ZEB2: variants seen among roughly 807,000 people sequenced by gnomAD.
ZEB2 encodes the protein zinc finger E-box binding homeobox 2, also known as zinc finger E-box-binding homeobox 2.
In ZEB2, 6 loss-of-function variants were observed where a neutral mutation model predicts 99.9. The ratio of observed to expected loss-of-function variants is 0.06; its 90% CI spans 0.03 to 0.12. The LOEUF (loss-of-function observed/expected upper bound fraction) is 0.12, where lower values mean the gene tolerates loss of function less well. Ranked by LOEUF, ZEB2 falls within the 10% of genes least tolerant of loss-of-function variation. The pLI is 1.00. For missense variants in ZEB2, 969 were observed against 1,502.8 expected, an observed-to-expected ratio of 0.64 and a Z score of 5.87; for synonymous variants, 517 against 542.5, an observed-to-expected ratio of 0.95 and a Z score of 0.65.
chr2:144,517,166 C>T (rs1212492926), intron 2 of ZEB2, 112 bp downstream of exon 2: 1 of 1,433,100 alleles, frequency 7.0e-7, no homozygotes, highest in Non-Finnish European at 9.7e-7. Flanking sequence ...GCCCTAGAGC[C>T]CTGGGCGCCG....
At chr2:144,487,984 C>T (rs752670277) in intron 2 of ZEB2, among the ~76,000 whole-genome samples, 1 of 152,092 alleles carries the variant, frequency 6.6e-6, no homozygotes, top group Non-Finnish European at 1.5e-5. Flanking sequence ...AATCTCCTTC[C>T]CCTTCTAATT....
At chr2:144,443,866 A>C (rs1703949395) in intron 2 of ZEB2, among the ~76,000 whole-genome samples, 1 of 152,162 alleles carries the variant, frequency 6.6e-6, no homozygotes, top group African/African-American at 2.4e-5. Context: ...GTATTTAAAA[A>C]AAAAAAAACA....
intron 2 of ZEB2, among the ~76,000 whole-genome samples, chr2:144,455,753 CTCTT>C (rs1363418082): frequency 1.3e-5 from 2 of 152,050 alleles, no homozygotes; most frequent in Non-Finnish European, 2.9e-5. Context: ...TCGTCTCTCT[CTCTT>C]TCTCTTTCTC....
chr2:144,511,967 C>T (rs1705045671), intron 2 of ZEB2: 1 of 1,287,034 alleles, frequency 7.8e-7, no homozygotes, highest in Non-Finnish European at 1.0e-6. Flanking sequence ...ACTAGTGTTT[C>T]TGCATCACAG....
intron 2 of ZEB2, among the ~76,000 whole-genome samples, chr2:144,468,243 C>T (rs1183949098): frequency 6.6e-6 from 1 of 152,112 alleles, no homozygotes; most frequent in Non-Finnish European, 1.5e-5. Context: ...GAGGTAATGA[C>T]ACAAGGCCTC....
intron 2 of ZEB2, among the ~76,000 whole-genome samples, chr2:144,459,825 A>C (rs1704167947): frequency 6.6e-6 from 1 of 152,184 alleles, no homozygotes; most frequent in African/African-American, 2.4e-5. Flanking sequence ...AGGAAGGGTA[A>C]AAAGAGATCT....
chr2:144,435,267 C>A (rs1703822320), intron 2 of ZEB2, among the ~76,000 whole-genome samples: 1 of 152,072 alleles, frequency 6.6e-6, no homozygotes. Context: ...AGACATGTAA[C>A]TTCATTTTAA....
intron 2 of ZEB2, among the ~76,000 whole-genome samples, chr2:144,458,733 A>T (rs754383180): frequency 6.6e-4 from 100 of 152,288 alleles, no homozygotes; most frequent in Middle Eastern, 3.4e-3. Flanking sequence ...TCACTTTGGC[A>T]TGATGAAGCA....
rs144551588 is a variant in ZEB2 at position 144,405,467 on chromosome 2, G to A, written c.404-443C>T. 3.6e-3 allele frequency: 724 copies of A among 199,344 alleles called. 3 individuals are homozygous for A. Among genetic ancestry groups the A allele is most frequent in the Non-Finnish European group, 4.9e-3 (474 of 97,134 alleles). 12.3% of individuals were successfully genotyped at this position (199,344 alleles called of 1,614,324 possible). ...TTTTTCATTGTCCACTAGACTGAGC[G>A]TCCCTAACCACAGATACATCCTGTT... On this transcript the variant is annotated intron_variant, in intron 4 of 9. Coordinates refer to ENST00000627532, the MANE Select transcript of ZEB2 (RefSeq NM_014795.4).
chr2:144,409,714 T>A (rs1013190514), intron 4 of ZEB2, among the ~76,000 whole-genome samples: 2 of 151,980 alleles, frequency 1.3e-5, no homozygotes, highest in African/African-American at 4.8e-5. Context: ...GGGCAACAAA[T>A]CTCGTCTCTA....
chr2:144,515,747 C>A (rs1262022456), intron 2 of ZEB2, among the ~76,000 whole-genome samples: 1 of 150,898 alleles, frequency 6.6e-6, no homozygotes, highest in Non-Finnish European at 1.5e-5. Context: ...TCCACCACAA[C>A]AAGCAAAAGA....
chr2:144,408,327 C>T (rs1186256039), intron 4 of ZEB2, among the ~76,000 whole-genome samples: 1 of 152,144 alleles, frequency 6.6e-6, no homozygotes, highest in African/African-American at 2.4e-5. Flanking sequence ...AATAAGATAC[C>T]TGCAGCTGAG....
rs1336699854 is a variant in ZEB2 at position 144,387,170 on chromosome 2, GTTC to G, written c.*2278_*2280del. ...GCTAAGGAATAAATATAAATATGTT[GTTC>G]TTGCCAACTGGAAATATCATACTCA... On this transcript the variant is annotated 3_prime_UTR_variant, in exon 10 of 10. Transcript: ENST00000627532. 2 of 151,428 alleles carry G rather than the reference GTTC, an allele frequency of 1.3e-5. No individual in the cohort carries two copies. Among genetic ancestry groups the G allele is most frequent in the African/African-American group, 2.4e-5 (1 of 41,162 alleles). The allele number at this position is 151,428 out of a possible 1,614,324, so 9.4% of individuals were successfully genotyped here.
intron 2 of ZEB2, among the ~76,000 whole-genome samples, chr2:144,440,904 G>T (rs893732947): frequency 2.6e-5 from 4 of 151,492 alleles, no homozygotes; most frequent in African/African-American, 9.7e-5. Context: ...ATAATTGGGG[G>T]TTGGATGACA....
rs1253927544 is a variant in ZEB2 at position 144,398,564 on chromosome 2, G to A, written c.2623C>T (p.Leu875=). ...IKKEFSNSNN[L]DNKSTNPVFS... is the part of the protein sequence containing the mutation. Reference sequence around the variant, plus strand: ...ACTGGGTTAGTGCTTTTGTTGTCCAGATTATTTGAATTTGAAAATTCCTTC... The same window carrying A: ...ACTGGGTTAGTGCTTTTGTTGTCCAAATTATTTGAATTTGAAAATTCCTTC... Residue 875 remains leucine (L), a synonymous_variant, in exon 8 of 10, where the codon CTG becomes TTG. Transcript: ENST00000627532. 6.2e-7 allele frequency: 1 copy of A among 1,614,130 alleles called. No individual in the cohort carries two copies. Among genetic ancestry groups the A allele is most frequent in the Admixed American group, 1.7e-5 (1 of 60,010 alleles).
Position 144,399,776 on chromosome 2 carries a change from C to A in ZEB2, c.1411G>T (p.Val471Phe). ...TTGCAGTCCATTTTTTGCCTGGAAA[C>A]AGTATTGTCCACAATCTGTAGAACC... Reference protein sequence around the residue: ...QKVLQIVDNTVSRQKMDCKAE... With the variant: ...QKVLQIVDNTFSRQKMDCKAE... Residue 471 changes from valine (V) to phenylalanine (F), a missense_variant, in exon 8 of 10, where the codon GTT becomes TTT. By Grantham distance (50) the Val-to-Phe change is conservative. Coordinates refer to ENST00000627532, the MANE Select transcript of ZEB2 (RefSeq NM_014795.4). This position sits in a 1 kb window ranked among gnomAD's most constrained non-coding sequence, Gnocchi z 5.6. 1 of 1,613,878 alleles carries A rather than the reference C, an allele frequency of 6.2e-7. No homozygotes were observed. Among genetic ancestry groups the A allele is most frequent in the East Asian group, 2.2e-5 (1 of 44,882 alleles).
At chr2:144,466,095 G>A (rs973899795) in intron 2 of ZEB2, among the ~76,000 whole-genome samples, 1 of 152,084 alleles carries the variant, frequency 6.6e-6, no homozygotes, top group Non-Finnish European at 1.5e-5. Flanking sequence ...GCAACCAAAT[G>A]CCTTTTGTCA....
chr2:144,395,347 G>A (rs191245811), intron 9 of ZEB2, among the ~76,000 whole-genome samples: 1 of 151,694 alleles, frequency 6.6e-6, no homozygotes, highest in East Asian at 1.9e-4. Context: ...CCTCATCATC[G>A]CTTTTCCCCC....
intron 2 of ZEB2, among the ~76,000 whole-genome samples, chr2:144,446,116 C>T (rs1573756996): frequency 6.6e-6 from 1 of 152,034 alleles, no homozygotes; most frequent in Middle Eastern, 3.4e-3. Flanking sequence ...GGCAGTTAAA[C>T]TTGGGAATCC....
Sources: allele counts gnomAD v4.1 joint callset (sites outside exome capture counted in the v4.1 genomes callset), GRCh38; gene constraint gnomAD v4.1.1; non-coding constraint Gnocchi (gnomAD v3.1); transcripts MANE v1.5; gene names NCBI Gene and HGNC (gene_info 2026-07-23, HGNC 2026-07-21).